LOXHD1: variants seen among roughly 807,000 people sequenced by gnomAD.
LOXHD1 encodes lipoxygenase homology PLAT domains 1.
Under a neutral mutation model 248.2 loss-of-function variants are expected in LOXHD1, and 205 were observed. That is an observed-to-expected ratio of 0.83 (90% CI 0.74 to 0.93). The LOEUF is 0.93. LOXHD1 is among the 40% of genes least tolerant of loss of function. LOXHD1 has a pLI of 0.00. For synonymous variants in LOXHD1, 1,113 were observed against 1,162.8 expected (o/e 0.96, Z 0.87); for missense variants, 2,930 against 2,971.6 (o/e 0.99, Z 0.33).
chr18:46,563,921 G>A (rs2037582315), intron 17 of LOXHD1, among the ~76,000 whole-genome samples: 1 of 152,216 alleles, frequency 6.6e-6, no homozygotes, highest in East Asian at 1.9e-4. Context: ...TGAGCGCAGA[G>A]AGAGCGATCC....
chr18:46,543,298 C>G (rs1359380338), intron 23 of LOXHD1, among the ~76,000 whole-genome samples: 1 of 152,184 alleles, frequency 6.6e-6, no homozygotes, highest in South Asian at 2.1e-4. Flanking sequence ...AGTTACTTCA[C>G]TTAGAATAAT....
At chr18:46,636,012 G>C (rs916757309) in intron 4 of LOXHD1, among the ~76,000 whole-genome samples, 2 of 152,142 alleles carry the variant, frequency 1.3e-5, no homozygotes, top group African/African-American at 4.8e-5. Flanking sequence ...TTGATGTCTT[G>C]AAGATGCCAA....
chr18:46,560,273 C>T lies in LOXHD1; in HGVS notation c.2871G>A (p.Ser957=), dbSNP rs181591912. The T allele has an allele frequency of 8.8e-4, 1,358 of 1,548,014 alleles. 9 individuals carry two copies. In the African/African-American group the frequency reaches 0.016, roughly 19 times the overall value. ...CTGACGAGGACTCCTCTGATGAGGA[C>T]GACTCCTCTTCCTCCCCCTCGTCCT... ...DEEDEGEEEE[S]SSSEESSSEE... Residue 957 remains serine (S), a synonymous_variant, in exon 19 of 41, where the codon TCG becomes TCA. Coordinates refer to ENST00000642948, the MANE Select transcript of LOXHD1 (RefSeq NM_001384474.1).
intron 33 of LOXHD1, 36 bp downstream of exon 33, chr18:46,521,061 T>C: frequency 1.3e-6 from 2 of 1,543,698 alleles, no homozygotes; most frequent in Non-Finnish European, 1.8e-6. Flanking sequence ...TGCACTGCCC[T>C]GGCCATGCAC....
chr18:46,557,344 C>G lies in LOXHD1; in HGVS notation c.3350+12G>C, dbSNP rs766789733. The G allele has an allele frequency of 1.3e-6, 2 of 1,552,346 alleles. No homozygotes were observed. Among genetic ancestry groups the G allele is most frequent in the South Asian group, 2.4e-5 (2 of 84,054 alleles). ...AGCAACACCCCTCCCTGCCCACTGC[C>G]CCCACACTCACGTGATCTCGTTGTT... On this transcript the variant is annotated intron_variant, in intron 21 of 40. Coordinates refer to ENST00000642948, the MANE Select transcript of LOXHD1 (RefSeq NM_001384474.1).
chr18:46,532,429 T>C (rs891703487), intron 28 of LOXHD1, among the ~76,000 whole-genome samples: 2 of 152,034 alleles, frequency 1.3e-5, no homozygotes, highest in South Asian at 2.1e-4. Context: ...ATATACAATG[T>C]AGAAAGAGAG....
chr18:46,652,882 C>G (rs1487332792), intron 1 of LOXHD1, among the ~76,000 whole-genome samples: 1 of 152,154 alleles, frequency 6.6e-6, no homozygotes, highest in Admixed American at 6.5e-5. Context: ...TTGTGTCACA[C>G]GTGGATAAAT....
intron 4 of LOXHD1, among the ~76,000 whole-genome samples, chr18:46,621,527 A>G: frequency 6.6e-6 from 1 of 152,188 alleles, no homozygotes; most frequent in Non-Finnish European, 1.5e-5. Flanking sequence ...AGCTCAGGGC[A>G]TCAAGCCTTC....
Position 46,509,787 on chromosome 18 carries a change from T to A in LOXHD1, c.5428A>T (p.Ile1810Phe), listed in dbSNP as rs764500713. 15 of 1,549,200 alleles carry A rather than the reference T, an allele frequency of 9.7e-6. No homozygotes were observed. In the African/African-American group the frequency reaches 1.7e-4, roughly 17 times the overall value. The change falls in exon 35 of 41, where the codon ATC becomes TTC. Residue 1810 changes from isoleucine (I) to phenylalanine (F), a missense_variant. By Grantham distance (21) the Ile-to-Phe change is conservative. Coordinates refer to ENST00000642948, the MANE Select transcript of LOXHD1 (RefSeq NM_001384474.1). Reference protein sequence around the residue: ...RFEREQNDTFIMEILDIAPFT... With the variant: ...RFEREQNDTFFMEILDIAPFT... ...GGAGCAATGTCTAGGATCTCCATGA[T>A]GAAGGTGTCGTTCTGCTCCCGCTCA...
At chr18:46,493,385 G>C (rs1468744494) in intron 37 of LOXHD1, among the ~76,000 whole-genome samples, 1 of 152,178 alleles carries the variant, frequency 6.6e-6, no homozygotes, top group Non-Finnish European at 1.5e-5. Flanking sequence ...GTTTGTCTTT[G>C]TTTTCTCATA....
chr18:46,550,082 G>A (rs1198453226), intron 21 of LOXHD1, among the ~76,000 whole-genome samples: 1 of 152,194 alleles, frequency 6.6e-6, no homozygotes, highest in Admixed American at 6.5e-5. Flanking sequence ...AGGTGACAAA[G>A]TAGCAGAGCC....
chr18:46,501,319 A>G (rs2034216616), intron 37 of LOXHD1, among the ~76,000 whole-genome samples: 4 of 152,362 alleles, frequency 2.6e-5, no homozygotes, highest in Admixed American at 1.3e-4. Flanking sequence ...TTCATCTCTC[A>G]TGCCATAAAC....
intron 29 of LOXHD1, among the ~76,000 whole-genome samples, chr18:46,525,829 G>A (rs1044681271): frequency 1.3e-5 from 2 of 152,162 alleles, no homozygotes; most frequent in Admixed American, 1.3e-4. Context: ...GAATAGAATA[G>A]GATGCCCTCT....
At position 46,533,298 on chromosome 18, in the gene LOXHD1, G is replaced by A. The variant is rs886053827; in HGVS notation, c.4239C>T (p.Cys1413=). ...KDGAETLTFP[C]DRWLATSEDD... Reference sequence around the variant, plus strand: ...CCTCAGAGGTGGCAAGCCACCGATCGCATGGGAAAGTCAAGGTCTCTGCAC... The same window carrying A: ...CCTCAGAGGTGGCAAGCCACCGATCACATGGGAAAGTCAAGGTCTCTGCAC... Residue 1413 remains cysteine (C), a synonymous_variant, in exon 28 of 41, where the codon TGC becomes TGT. Transcript: ENST00000642948. 9 of 1,551,704 alleles carry A rather than the reference G, an allele frequency of 5.8e-6. No homozygotes were observed. Among genetic ancestry groups the A allele is most frequent in the South Asian group, 2.4e-5 (2 of 84,064 alleles).
intron 40 of LOXHD1, among the ~76,000 whole-genome samples, chr18:46,478,759 C>G (rs2032269926): frequency 6.6e-6 from 1 of 152,304 alleles, no homozygotes; most frequent in African/African-American, 2.4e-5. Flanking sequence ...ATGGCGCGAT[C>G]ATAGCTCACT....
At chr18:46,508,545 G>A (rs1487614331) in intron 35 of LOXHD1, among the ~76,000 whole-genome samples, 10 of 152,284 alleles carry the variant, frequency 6.6e-5, no homozygotes, top group African/African-American at 2.4e-4. Context: ...CCTTCACCTT[G>A]GACTTCTGCC....
intron 25 of LOXHD1, among the ~76,000 whole-genome samples, chr18:46,541,150 C>A (rs984841426): frequency 3.3e-5 from 5 of 152,188 alleles, no homozygotes; most frequent in Non-Finnish European, 7.3e-5. Context: ...TACATTCTTT[C>A]TGATGATGAC....
At chr18:46,566,492 A>G (rs1345044184) in intron 16 of LOXHD1, 43 bp from the exon 17 acceptor site, 1 of 1,513,348 alleles carries the variant, frequency 6.6e-7, no homozygotes, top group Admixed American at 2.0e-5. Context: ...GCCAGTGTGT[A>G]GAAACCTCCA....
chr18:46,594,923 C>A (rs981096074), intron 8 of LOXHD1, among the ~76,000 whole-genome samples: 1 of 152,158 alleles, frequency 6.6e-6, no homozygotes, highest in African/African-American at 2.4e-5. Context: ...CTCTCTTATA[C>A]CTTCTCTATC....
Sources: gnomAD v4.1 joint callset for allele counts (sites outside exome capture counted in the v4.1 genomes callset) on GRCh38, gnomAD v4.1.1 for gene constraint, MANE v1.5 for transcripts, NCBI Gene and HGNC (gene_info 2026-07-23, HGNC 2026-07-21) for gene names.